Variants in SPAG16 observed in about 807,000 individuals in gnomAD.
SPAG16 encodes sperm associated antigen 16, also known as sperm-associated antigen 16 protein.
SPAG16 carries 86 observed loss-of-function variants against 80.4 expected under a neutral mutation model. The observed-to-expected ratio is 1.07, with a 90% confidence interval of 0.90 to 1.28. The LOEUF is 1.28. Ranked by LOEUF, SPAG16 falls within the 50% of genes most tolerant of loss-of-function variation. SPAG16 has a pLI of 0.00. For synonymous variants in SPAG16, 294 were observed against 265.9 expected (o/e 1.11, Z -1.03); for missense variants, 870 against 765.3 (o/e 1.14, Z -1.61).
At chr2:214,305,612 C>G (rs1238936138) in intron 15 of SPAG16, among the ~76,000 whole-genome samples, 1 of 152,158 alleles carries the variant, frequency 6.6e-6, no homozygotes, top group South Asian at 2.1e-4. Flanking sequence ...TATCCTAGCA[C>G]CATTTATTGA....
intron 10 of SPAG16, among the ~76,000 whole-genome samples, chr2:213,755,882 T>C (rs1311659448): frequency 2.6e-5 from 4 of 152,184 alleles, no homozygotes; most frequent in Non-Finnish European, 4.4e-5. Context: ...ACATATATGA[T>C]AAAATATTAT....
rs1344856579 is a variant in SPAG16 at position 213,350,400 on chromosome 2, C to T, written c.645-128C>T. ...GTGCTTCTTGGCTGTAGTGTGTTAACCTTTATATGATTATTCATTTTTATT... is the reference window on the plus strand; with the variant it reads ...GTGCTTCTTGGCTGTAGTGTGTTAATCTTTATATGATTATTCATTTTTATT... On this transcript the variant is annotated intron_variant, in intron 6 of 15. Transcript: ENST00000331683. 5.6e-6 allele frequency: 3 copies of T among 540,188 alleles called. No homozygotes were observed. The African/African-American group carries it at 5.8e-5, about 11-fold the overall frequency. The allele number at this position is 540,188 out of a possible 1,614,324, so 33.5% of individuals were successfully genotyped here. A position where few individuals can be genotyped will look rare whatever the true frequency, so the allele number is the denominator to read the frequency against.
intron 9 of SPAG16, among the ~76,000 whole-genome samples, chr2:213,397,207 C>A (rs755459017): frequency 6.7e-6 from 1 of 149,024 alleles, no homozygotes; most frequent in African/African-American, 2.6e-5. Flanking sequence ...TATCTTCTCA[C>A]TTCACTGAAT....
intron 10 of SPAG16, among the ~76,000 whole-genome samples, chr2:213,861,943 G>A (rs1197863284): frequency 6.6e-6 from 1 of 152,152 alleles, no homozygotes; most frequent in Non-Finnish European, 1.5e-5. Flanking sequence ...ATGTAGGATA[G>A]AATTTTAGTT....
chr2:213,914,248 T>G (rs571416589), intron 11 of SPAG16, among the ~76,000 whole-genome samples: 2 of 152,242 alleles, frequency 1.3e-5, no homozygotes, highest in African/African-American at 4.8e-5. Context: ...AGAAAGTTCA[T>G]TGCATGTTAA....
intron 10 of SPAG16, among the ~76,000 whole-genome samples, chr2:213,726,244 C>G (rs2066765321): frequency 6.6e-6 from 1 of 152,324 alleles, no homozygotes; most frequent in East Asian, 1.9e-4. Flanking sequence ...CCCCATCTCT[C>G]TCATCCCTAG....
chr2:213,354,797 C>A (rs570094544), intron 7 of SPAG16, among the ~76,000 whole-genome samples: 85 of 152,280 alleles, frequency 5.6e-4, no homozygotes, highest in African/African-American at 1.9e-3. Context: ...CAAAAATTTT[C>A]TCCCATTGTG....
At chr2:214,341,641 C>A (rs1440435313) in intron 15 of SPAG16, among the ~76,000 whole-genome samples, 1 of 152,132 alleles carries the variant, frequency 6.6e-6, no homozygotes, top group Non-Finnish European at 1.5e-5. Flanking sequence ...TTTTTAAGTT[C>A]TGAGAGAAAA....
chr2:213,517,902 T>C (rs1005493915), intron 10 of SPAG16, among the ~76,000 whole-genome samples: 1 of 152,148 alleles, frequency 6.6e-6, no homozygotes, highest in Non-Finnish European at 1.5e-5. Context: ...TTGGCAAAGA[T>C]TTTTGGACTA....
intron 12 of SPAG16, among the ~76,000 whole-genome samples, chr2:213,943,293 G>A (rs2079290604): frequency 6.6e-6 from 1 of 152,278 alleles, no homozygotes. Flanking sequence ...ATTTTGAGGT[G>A]CATGCTAAAA....
chr2:213,293,256 T>A (rs1383147487), intron 1 of SPAG16, among the ~76,000 whole-genome samples: 2 of 152,102 alleles, frequency 1.3e-5, no homozygotes, highest in Non-Finnish European at 2.9e-5. Context: ...GAACTATGAG[T>A]CAATTAAACC....
chr2:214,200,979 G>A (rs939484520), intron 15 of SPAG16, among the ~76,000 whole-genome samples: 4 of 152,076 alleles, frequency 2.6e-5, no homozygotes, highest in Non-Finnish European at 5.9e-5. Context: ...TGCTTCTTCC[G>A]GCCAATTAAC....
chr2:213,895,007 A>C (rs1422307376), intron 11 of SPAG16, among the ~76,000 whole-genome samples: 17 of 142,248 alleles, frequency 1.2e-4, no homozygotes, highest in South Asian at 4.7e-4. Flanking sequence ...AAAAAAAAAA[A>C]AAAAAAAAAA....
At chr2:214,386,106 G>C (rs1700734448) in intron 15 of SPAG16, among the ~76,000 whole-genome samples, 1 of 152,160 alleles carries the variant, frequency 6.6e-6, no homozygotes, top group African/African-American at 2.4e-5. Flanking sequence ...TGGGTGCGGT[G>C]GCTCATGCCT....
At chr2:214,307,308 T>TATC (rs1348893796) in intron 15 of SPAG16, among the ~76,000 whole-genome samples, 1 of 151,964 alleles carries the variant, frequency 6.6e-6, no homozygotes, top group Non-Finnish European at 1.5e-5. Flanking sequence ...GCAGTCTATC[T>TATC]ATCTATTTTA....
chr2:214,143,108 A>G (rs945655293), intron 14 of SPAG16, among the ~76,000 whole-genome samples: 1 of 152,126 alleles, frequency 6.6e-6, no homozygotes, highest in Non-Finnish European at 1.5e-5. Context: ...CTAAAGCCAC[A>G]TGGCCTTAAA....
intron 15 of SPAG16, among the ~76,000 whole-genome samples, chr2:214,400,817 A>C (rs1489844669): frequency 2.6e-5 from 4 of 152,040 alleles, no homozygotes; most frequent in African/African-American, 9.7e-5. Flanking sequence ...AGCTCTGAAG[A>C]TACTGAAGGC....
Position 213,528,457 on chromosome 2 carries a change from CAG to C in SPAG16, c.1070+38369_1070+38370del, listed in dbSNP as rs201597811. Among the ~76,000 whole-genome samples, 1,169 of 152,072 alleles carry C rather than the reference CAG, an allele frequency of 7.7e-3. 67 individuals carry two copies. Among genetic ancestry groups the C allele is most frequent in the Admixed American group, 0.074 (1,124 of 15,242 alleles). Reference sequence around the variant, plus strand: ...TTAAATTTTTATATATAGTATGTAACAGATGTGTGTGTGTGTTCTATCTTTCA... The same window carrying C: ...TTAAATTTTTATATATAGTATGTAACATGTGTGTGTGTGTTCTATCTTTCA... On this transcript the variant is annotated intron_variant, in intron 10 of 15. Transcript: ENST00000331683.
intron 10 of SPAG16, among the ~76,000 whole-genome samples, chr2:213,784,626 T>TAAAAA (rs71063777): frequency 2.1e-5 from 1 of 47,902 alleles, no homozygotes; most frequent in Non-Finnish European, 4.0e-5. Context: ...CAATTATTTC[T>TAAAAA]AAAAAAAAAA....
Sources: allele counts gnomAD v4.1 joint callset (sites outside exome capture counted in the v4.1 genomes callset), GRCh38; gene constraint gnomAD v4.1.1; transcripts MANE v1.5; gene names NCBI Gene and HGNC (gene_info 2026-07-23, HGNC 2026-07-21).